TACC1: variants seen among roughly 807,000 people sequenced by gnomAD.
The protein encoded by TACC1 is transforming acidic coiled-coil containing protein 1, also known as transforming acidic coiled-coil-containing protein 1.
A neutral mutation model predicts 84.4 loss-of-function variants in TACC1; 48 were observed. The observed-to-expected ratio is 0.57, with a 90% CI of 0.45 to 0.72. TACC1 has a LOEUF of 0.72. Among genes scored for constraint, TACC1 ranks in the 30% least tolerant of loss-of-function variants. The probability of loss-of-function intolerance (pLI) is 0.00; values close to 1 mark genes in which losing one functional copy is unlikely to be tolerated. For missense variants in TACC1, 920 were observed against 973.0 expected, an observed-to-expected ratio of 0.95 and a Z score of 0.72; for synonymous variants, 372 against 376.3, an observed-to-expected ratio of 0.99 and a Z score of 0.13.
At chr8:38,743,577 C>T (rs900418594) in intron 2 of TACC1, among the ~76,000 whole-genome samples, 3 of 152,230 alleles carry the variant, frequency 2.0e-5, no homozygotes, top group South Asian at 2.1e-4. Context: ...TACAGTTCTT[C>T]CAGGTACAGG....
chr8:38,822,910 A>G lies in TACC1; in HGVS notation c.1391+2275A>G, dbSNP rs192537469. Reference sequence around the variant, plus strand: ...ATGTCATTACATGGCACCTGACTGTATATCCTTTTGTGGCCCTAAAAAGGG... The same window carrying G: ...ATGTCATTACATGGCACCTGACTGTGTATCCTTTTGTGGCCCTAAAAAGGG... On this transcript the variant is annotated intron_variant, in intron 3 of 12. Coordinates refer to ENST00000317827, the MANE Select transcript of TACC1 (RefSeq NM_006283.3). 1.4e-4 allele frequency among the ~76,000 whole-genome samples: 21 copies of G among 152,314 alleles called. No homozygotes were observed. The East Asian group carries it at 3.9e-3, about 28-fold the overall frequency.
At chr8:38,732,007 G>A (rs1020418174) in intron 1 of TACC1, among the ~76,000 whole-genome samples, 7 of 152,184 alleles carry the variant, frequency 4.6e-5, no homozygotes, top group Non-Finnish European at 1.0e-4. Context: ...AGCTACTCCA[G>A]AGGCTGAGGC....
intron 11 of TACC1, among the ~76,000 whole-genome samples, chr8:38,844,313 C>T (rs759524364): frequency 1.1e-4 from 16 of 152,022 alleles, no homozygotes; most frequent in Non-Finnish European, 8.8e-5. Flanking sequence ...GCTTGGATTA[C>T]AGGCACACGC....
At chr8:38,846,231 C>T (rs1832224921) in intron 11 of TACC1, 2 of 141,138 alleles carry the variant, frequency 1.4e-5, no homozygotes, top group African/African-American at 5.2e-5. Flanking sequence ...TTGCAGTGAG[C>T]CGAGACTGCG....
At chr8:38,755,794 A>G (rs900863249) in intron 3 of TACC1, among the ~76,000 whole-genome samples, 16 of 141,956 alleles carry the variant, frequency 1.1e-4, no homozygotes, top group Non-Finnish European at 2.3e-4. Context: ...CTAGTGAAAG[A>G]TAGACAAGTG....
chr8:38,846,566 T>C (rs1832339375), intron 11 of TACC1, 133 bp from the exon 12 acceptor site: 1 of 1,135,560 alleles, frequency 8.8e-7, no homozygotes, highest in Non-Finnish European at 1.2e-6. Flanking sequence ...GATTTTTGTT[T>C]TTTTTCTCTC....
upstream of TACC1, among the ~76,000 whole-genome samples, chr8:38,786,710 G>A (rs1817219965): frequency 6.6e-6 from 1 of 151,998 alleles, no homozygotes; most frequent in Non-Finnish European, 1.5e-5. Flanking sequence ...TTGTGGCTTT[G>A]CCAAGGGATT....
At chr8:38,753,218 C>T (rs993667476) in intron 3 of TACC1, among the ~76,000 whole-genome samples, 3 of 152,066 alleles carry the variant, frequency 2.0e-5, no homozygotes, top group African/African-American at 7.3e-5. Context: ...TCCTACTTCA[C>T]GCTCCTGAGT....
chr8:38,745,224 A>G lies in TACC1; in HGVS notation c.-244A>G. The G allele has an allele frequency of 7.5e-6, 3 of 399,216 alleles. No homozygotes were observed. The South Asian group carries it at 1.7e-4, about 22-fold the overall frequency. 24.7% of individuals were successfully genotyped at this position (399,216 alleles called of 1,614,324 possible). On this transcript the variant is annotated 5_prime_UTR_variant, in exon 3 of 15. Transcript: ENST00000518415. ...ACTCAAAGCAGCTCAGCTAAAGACA[A>G]AGATCTGCACTCAGAGTAGAGCTGC...
In TACC1 at chr8:38,757,417, C is replaced by T. The variant is rs754905558; in HGVS notation, c.26+11924C>T. 12 of 1,212,380 alleles carry T rather than the reference C, an allele frequency of 9.9e-6. No homozygotes were observed. In the South Asian group the frequency reaches 1.6e-4, roughly 17 times the overall value. 75.1% of individuals were successfully genotyped at this position (1,212,380 alleles called of 1,614,324 possible). A position where few individuals can be genotyped will look rare whatever the true frequency, so the allele number is the denominator to read the frequency against. On this transcript the variant is annotated intron_variant, in intron 3 of 14. Coordinates refer to the TACC1 transcript ENST00000518415. The stretch of plus-strand genomic sequence containing the variant: ...GAGACCCACGGAGACCGCGTGAGTC[C>T]CAGAGCCCTCTCCAAGGGCCGCCTT...
At chr8:38,742,286 A>G in intron 1 of TACC1, 1 of 653,144 alleles carries the variant, frequency 1.5e-6, no homozygotes, top group Non-Finnish European at 2.3e-6. Flanking sequence ...AAGGTTGGAA[A>G]CTTGTGCTGG....
At chr8:38,742,429 A>C (rs1807250338) in exon 2 of TACC1, 2 of 1,530,192 alleles carry the variant, frequency 1.3e-6, no homozygotes, top group Non-Finnish European at 8.7e-7. Flanking sequence ...ACTGAGATCA[A>C]ATGCAAAGAC....
upstream of TACC1, among the ~76,000 whole-genome samples, chr8:38,784,120 C>T (rs764727119): frequency 2.6e-5 from 4 of 152,158 alleles, no homozygotes; most frequent in Admixed American, 6.5e-5. Context: ...ACTTTGCAAC[C>T]TGTACCAGGT....
intron 3 of TACC1, among the ~76,000 whole-genome samples, chr8:38,775,698 T>G (rs2151915391): frequency 6.6e-6 from 1 of 152,336 alleles, no homozygotes; most frequent in East Asian, 1.9e-4. Flanking sequence ...CTATGAATTT[T>G]GGGGGGATAT....
At chr8:38,732,621 A>G (rs921190317) in intron 1 of TACC1, among the ~76,000 whole-genome samples, 2 of 152,192 alleles carry the variant, frequency 1.3e-5, no homozygotes, top group African/African-American at 4.8e-5. Flanking sequence ...ACTTACTATG[A>G]CCCAGGCATT....
intron 3 of TACC1, among the ~76,000 whole-genome samples, chr8:38,823,634 A>G (rs1393747003): frequency 6.6e-6 from 1 of 152,196 alleles, no homozygotes; most frequent in Non-Finnish European, 1.5e-5. Flanking sequence ...TTCTTGATCT[A>G]ATACACTTAA....
At chr8:38,729,663 G>A (rs1434505554) in intron 1 of TACC1, among the ~76,000 whole-genome samples, 1 of 152,176 alleles carries the variant, frequency 6.6e-6, no homozygotes, top group Non-Finnish European at 1.5e-5. Flanking sequence ...GAGGTCAGGA[G>A]TTCGAGACTA....
rs762761384 is a variant in TACC1, at chr8:38,827,195, T to C, written c.1480T>C (p.Ser494Pro). Residue 494 changes from serine to proline, a missense_variant, in exon 5 of 13, where the codon TCA (serine) becomes CCA (proline). This residue lies in a region of TACC1 where 762 missense variants were observed against 747.3 expected (regional missense o/e 1.02). Transcript: ENST00000317827. Reference sequence around the variant, plus strand: ...TGAAGGGGCAGTGATCTCCCAGATTTCAGACATTTCTAATAGGGATGGCCA... The same window carrying C: ...TGAAGGGGCAGTGATCTCCCAGATTCCAGACATTTCTAATAGGGATGGCCA... ...RDEGAVISQI[S>P]DISNRDGHAT... The C allele has an allele frequency of 1.2e-6, 2 of 1,613,994 alleles. No homozygotes were observed. The highest frequency in any genetic ancestry group is 1.7e-6 in the Non-Finnish European group (2 of 1,180,024).
intron 3 of TACC1, among the ~76,000 whole-genome samples, chr8:38,762,897 A>G (rs1336115763): frequency 6.6e-6 from 1 of 152,134 alleles, no homozygotes; most frequent in African/African-American, 2.4e-5. Flanking sequence ...TCGTTATACA[A>G]GTACGTGTGA....
Sources: gnomAD v4.1 joint callset for allele counts (sites outside exome capture counted in the v4.1 genomes callset) on GRCh38, gnomAD v4.1.1 for gene constraint, gnomAD v4.1.1 regional missense constraint, MANE v1.5 for transcripts, NCBI Gene and HGNC (gene_info 2026-07-23, HGNC 2026-07-21) for gene names.